ANKS1B: variants seen among roughly 807,000 people sequenced by gnomAD.
ANKS1B encodes ankyrin repeat and sterile alpha motif domain-containing protein 1B.
A neutral mutation model predicts 148.3 loss-of-function variants in ANKS1B; 36 were observed. The ratio of observed to expected loss-of-function variants is 0.24; its 90% CI spans 0.19 to 0.32. The LOEUF is 0.32. ANKS1B is among the 10% of genes least tolerant of loss of function. The probability of loss-of-function intolerance (pLI) is 1.00; values close to 1 mark genes in which losing one functional copy is unlikely to be tolerated. For missense variants in ANKS1B, 1,157 were observed against 1,542.6 expected (o/e 0.75, Z 4.19); for synonymous variants, 542 against 560.8 (o/e 0.97, Z 0.47).
intron 12 of ANKS1B, among the ~76,000 whole-genome samples, chr12:99,284,638 C>G (rs1460051067): frequency 6.6e-6 from 1 of 152,136 alleles, no homozygotes; most frequent in African/African-American, 2.4e-5. Context: ...CCAGTCTCTT[C>G]ATTGCTTCTG....
intron 9 of ANKS1B, among the ~76,000 whole-genome samples, chr12:99,626,806 G>T (rs1015272600): frequency 3.3e-5 from 5 of 152,172 alleles, no homozygotes; most frequent in African/African-American, 1.2e-4. Flanking sequence ...GACAGGGCCT[G>T]AGCAGCACTA....
At chr12:99,027,746 G>A (rs1387742446) in intron 17 of ANKS1B, among the ~76,000 whole-genome samples, 1 of 152,132 alleles carries the variant, frequency 6.6e-6, no homozygotes, top group East Asian at 1.9e-4. Flanking sequence ...CATTGACGTT[G>A]GGCAATTTAT....
At chr12:99,533,461 A>G (rs1231066607) in intron 9 of ANKS1B, among the ~76,000 whole-genome samples, 1 of 152,174 alleles carries the variant, frequency 6.6e-6, no homozygotes, top group African/African-American at 2.4e-5. Flanking sequence ...TTTTCAAGGT[A>G]TAAGATCATA....
downstream of ANKS1B, among the ~76,000 whole-genome samples, chr12:98,743,629 T>A (rs1345587273): frequency 6.6e-6 from 1 of 152,236 alleles, no homozygotes; most frequent in East Asian, 1.9e-4. Context: ...AAAGGACTGA[T>A]GACCATGTAG....
chr12:99,383,477 C>T (rs1040966940), intron 12 of ANKS1B, among the ~76,000 whole-genome samples: 3 of 152,222 alleles, frequency 2.0e-5, no homozygotes, highest in South Asian at 2.1e-4. Flanking sequence ...TCTTACAGAT[C>T]AGTTTCAGTT....
At chr12:99,590,815 A>T (rs888494955) in intron 9 of ANKS1B, among the ~76,000 whole-genome samples, 9 of 152,182 alleles carry the variant, frequency 5.9e-5, no homozygotes, top group African/African-American at 1.9e-4. Flanking sequence ...TACTTCAGTG[A>T]AGGCGTATTT....
At chr12:99,761,033 G>A (rs959823692) in intron 8 of ANKS1B, among the ~76,000 whole-genome samples, 7 of 41,014 alleles carry the variant, frequency 1.7e-4, no homozygotes, top group East Asian at 4.6e-4. Flanking sequence ...AATGAATTCC[G>A]AAATGGAATC....
chr12:99,474,954 C>T (rs892135007), intron 10 of ANKS1B, among the ~76,000 whole-genome samples: 6 of 151,700 alleles, frequency 4.0e-5, no homozygotes, highest in Non-Finnish European at 7.4e-5. Context: ...ACTCAAAAGC[C>T]GGCTGGGTGG....
chr12:99,489,715 A>C lies in ANKS1B; in HGVS notation c.1438+14761T>G, dbSNP rs145827095. 5.4e-3 allele frequency among the ~76,000 whole-genome samples: 827 copies of C among 152,346 alleles called. 5 individuals are homozygous for C. Among genetic ancestry groups the C allele is most frequent in the African/African-American group, 0.019 (798 of 41,584 alleles). On this transcript the variant is annotated intron_variant, in intron 10 of 26. Transcript: ENST00000683438. ...GTGACTAAAGGTCAGTTAGTTTCAA[A>C]AGGAATGGAGTGCTTAGCTGATTCA... is the stretch of plus-strand genomic sequence containing the variant.
intron 11 of ANKS1B, among the ~76,000 whole-genome samples, chr12:99,428,072 T>A (rs900713697): frequency 2.6e-5 from 4 of 152,196 alleles, no homozygotes; most frequent in African/African-American, 9.7e-5. Flanking sequence ...TAAAAGTGAA[T>A]AACATAATCA....
At chr12:99,566,277 T>C (rs1456572502) in intron 9 of ANKS1B, among the ~76,000 whole-genome samples, 4 of 152,226 alleles carry the variant, frequency 2.6e-5, no homozygotes, top group Non-Finnish European at 5.9e-5. Context: ...TTCAATACTT[T>C]GCTTGAAATC....
chr12:99,315,511 A>G (rs2083910124), intron 12 of ANKS1B, among the ~76,000 whole-genome samples: 1 of 152,134 alleles, frequency 6.6e-6, no homozygotes, highest in South Asian at 2.1e-4. Context: ...AACCACAATG[A>G]GATACCATCT....
chr12:99,205,064 C>A lies in ANKS1B; in HGVS notation c.2419+39278G>T, dbSNP rs1038235353. 2.6e-5 allele frequency among the ~76,000 whole-genome samples: 4 copies of A among 152,042 alleles called. 1 individual carries two copies. In the South Asian group the frequency reaches 6.2e-4, roughly 24 times the overall value. On this transcript the variant is annotated intron_variant, in intron 14 of 26. Transcript: ENST00000683438. Reference sequence around the variant, plus strand: ...CACTGAGCTCTTGTACCAGGCCCCCCCCAAAAAGAAAAACAAACCAAAATG... The same window carrying A: ...CACTGAGCTCTTGTACCAGGCCCCCACCAAAAAGAAAAACAAACCAAAATG...
intron 12 of ANKS1B, among the ~76,000 whole-genome samples, chr12:99,334,060 T>C (rs1342569256): frequency 1.3e-5 from 2 of 151,912 alleles, no homozygotes; most frequent in African/African-American, 4.8e-5. Flanking sequence ...TATTTATAAT[T>C]CTGGGTCAGG....
intron 11 of ANKS1B, among the ~76,000 whole-genome samples, chr12:99,420,944 G>C (rs2095061598): frequency 6.6e-6 from 1 of 152,142 alleles, no homozygotes; most frequent in South Asian, 2.1e-4. Context: ...ATATTTGGGA[G>C]ACAAAATAGG....
At chr12:99,934,020 T>C (rs921947930) in intron 1 of ANKS1B, among the ~76,000 whole-genome samples, 2 of 152,136 alleles carry the variant, frequency 1.3e-5, no homozygotes, top group African/African-American at 2.4e-5. Flanking sequence ...CAGTATCTAA[T>C]GAAATGATCA....
At chr12:99,378,570 G>T (rs1448223344) in intron 12 of ANKS1B, among the ~76,000 whole-genome samples, 3 of 149,636 alleles carry the variant, frequency 2.0e-5, no homozygotes. Flanking sequence ...CAGGAGAATT[G>T]CTTGAACCTG....
chr12:99,369,747 A>AAGATAGAC (rs1555404896), intron 12 of ANKS1B, among the ~76,000 whole-genome samples: 2 of 143,294 alleles, frequency 1.4e-5, no homozygotes, highest in Admixed American at 1.4e-4. Context: ...AATGGATAGA[A>AAGATAGAC]AGATAGATAG....
chr12:99,324,813 T>G (rs2152212455), intron 12 of ANKS1B, among the ~76,000 whole-genome samples: 1 of 152,210 alleles, frequency 6.6e-6, no homozygotes, highest in African/African-American at 2.4e-5. Flanking sequence ...TAAAAAGAAA[T>G]ATCAGGCACA....
Sources: allele counts gnomAD v4.1 joint callset (sites outside exome capture counted in the v4.1 genomes callset), GRCh38; gene constraint gnomAD v4.1.1; transcripts MANE v1.5; gene names NCBI Gene and HGNC (gene_info 2026-07-23, HGNC 2026-07-21).